Variants in MAD1L1 observed in about 807,000 individuals in gnomAD.
MAD1L1 encodes mitotic spindle assembly checkpoint protein MAD1.
MAD1L1 carries 95 observed loss-of-function variants against 96.9 expected under a neutral mutation model. The observed-to-expected ratio is 0.98, with a 90% confidence interval of 0.83 to 1.16. MAD1L1 has a LOEUF of 1.16. Ranked by LOEUF, MAD1L1 falls within the 50% of genes most tolerant of loss-of-function variation. The pLI is 0.00. For missense variants in MAD1L1, 1,007 were observed against 954.4 expected, an observed-to-expected ratio of 1.06 and a Z score of -0.73; for synonymous variants, 473 against 396.6, an observed-to-expected ratio of 1.19 and a Z score of -2.29.
At chr7:1,955,649 G>A (rs930244170) in intron 16 of MAD1L1, among the ~76,000 whole-genome samples, 21 of 152,264 alleles carry the variant, frequency 1.4e-4, no homozygotes, top group South Asian at 8.3e-4. Context: ...GGCACACCCA[G>A]CACGGTGACA....
At chr7:1,908,053 C>T (rs890867201) in intron 17 of MAD1L1, among the ~76,000 whole-genome samples, 1 of 152,206 alleles carries the variant, frequency 6.6e-6, no homozygotes, top group African/African-American at 2.4e-5. Context: ...CATGGGTGAC[C>T]AGACAGTACG....
At chr7:1,985,372 G>A (rs1269751755) in intron 14 of MAD1L1, among the ~76,000 whole-genome samples, 1 of 152,226 alleles carries the variant, frequency 6.6e-6, no homozygotes, top group Non-Finnish European at 1.5e-5. Context: ...GAGCGGACTG[G>A]GCACAGCACA....
chr7:2,139,267 A>C (rs575327007), intron 11 of MAD1L1, among the ~76,000 whole-genome samples: 350 of 152,132 alleles, frequency 2.3e-3, no homozygotes, highest in Non-Finnish European at 4.1e-3. Flanking sequence ...ACTCTCAGCC[A>C]ACCCATGGGA....
chr7:1,858,572 C>G (rs1422271532), intron 18 of MAD1L1, among the ~76,000 whole-genome samples: 1 of 152,236 alleles, frequency 6.6e-6, no homozygotes, highest in African/African-American at 2.4e-5. Flanking sequence ...CTTGCTGACC[C>G]TGTCCCGGCA....
At chr7:2,131,647 C>T (rs551577338) in intron 11 of MAD1L1, among the ~76,000 whole-genome samples, 1 of 152,180 alleles carries the variant, frequency 6.6e-6, no homozygotes, top group Non-Finnish European at 1.5e-5. Flanking sequence ...ACCAGCTGGG[C>T]CCCCAGGTTC....
rs535059217 is a variant in MAD1L1 at position 1,981,192 on chromosome 7, C to G, written c.1417-651G>C. Among the ~76,000 whole-genome samples the G allele has an allele frequency of 3.3e-4, 50 of 152,198 alleles. 1 individual carries two copies. Among genetic ancestry groups the G allele is most frequent in the Non-Finnish European group, 6.3e-4 (43 of 68,034 alleles). ...GTGTTCTCCAGGCTGGTCTCGAACT[C>G]CTGACCTCGGGTGATTCACCCGCCT... On this transcript the variant is annotated intron_variant, in intron 14 of 18. Coordinates refer to ENST00000265854, the MANE Select transcript of MAD1L1 (RefSeq NM_001013836.2).
intron 12 of MAD1L1, among the ~76,000 whole-genome samples, chr7:2,022,833 C>T (rs1053451500): frequency 6.6e-6 from 1 of 152,054 alleles, no homozygotes; most frequent in Non-Finnish European, 1.5e-5. Flanking sequence ...AAAATATAAA[C>T]ACACTTTGAA....
At position 2,024,933 on chromosome 7, in the gene MAD1L1, T is replaced by C. The variant is rs867602136; in HGVS notation, c.1219-10291A>G. On this transcript the variant is annotated intron_variant, in intron 12 of 18. Transcript: ENST00000265854. ...TCTTCCAGAGAATAGAAGCAAACTA[T>C]TCTGTATGACACTGTAATGAGGGAA... is the stretch of plus-strand genomic sequence containing the variant. Among the ~76,000 whole-genome samples, 5 of 152,344 alleles carry C rather than the reference T, an allele frequency of 3.3e-5. No individual in the cohort carries two copies. In the Middle Eastern group the frequency reaches 0.01, roughly 311 times the overall value.
intron 16 of MAD1L1, among the ~76,000 whole-genome samples, chr7:1,949,719 G>C (rs999348986): frequency 1.3e-5 from 2 of 152,232 alleles, no homozygotes; most frequent in African/African-American, 4.8e-5. Flanking sequence ...AGGAACCAAA[G>C]GACATCGGTC....
intron 16 of MAD1L1, among the ~76,000 whole-genome samples, chr7:1,939,819 C>A (rs529311124): frequency 1.3e-5 from 2 of 148,494 alleles, no homozygotes; most frequent in Non-Finnish European, 3.0e-5. Flanking sequence ...CTCTCCAAGT[C>A]CCCGAAGGAC....
intron 17 of MAD1L1, among the ~76,000 whole-genome samples, chr7:1,907,732 G>A (rs1056573191): frequency 3.9e-5 from 6 of 152,228 alleles, no homozygotes; most frequent in East Asian, 1.9e-4. Flanking sequence ...AAACCCTCTC[G>A]GCAATAACGT....
At chr7:2,059,801 T>C (rs1306441609) in intron 12 of MAD1L1, among the ~76,000 whole-genome samples, 2 of 152,078 alleles carry the variant, frequency 1.3e-5, no homozygotes, top group African/African-American at 2.4e-5. Context: ...AAGGTTGTCA[T>C]GTGCAGGGTC....
intron 11 of MAD1L1, among the ~76,000 whole-genome samples, chr7:2,143,875 C>A (rs1789162766): frequency 6.6e-6 from 1 of 152,188 alleles, no homozygotes; most frequent in South Asian, 2.1e-4. Context: ...TGAAGAGCTC[C>A]ATCTGCATCC....
intron 17 of MAD1L1, among the ~76,000 whole-genome samples, chr7:1,913,003 CCT>C (rs771818978): frequency 6.6e-6 from 1 of 152,176 alleles, no homozygotes; most frequent in Non-Finnish European, 1.5e-5. Context: ...AGGCGAGCCC[CCT>C]CTGAGAAGAG....
intron 17 of MAD1L1, among the ~76,000 whole-genome samples, chr7:1,906,789 C>T (rs972273232): frequency 6.6e-6 from 1 of 152,246 alleles, no homozygotes; most frequent in African/African-American, 2.4e-5. Flanking sequence ...CCATCCCCTA[C>T]AGACCTGAGC....
chr7:1,935,054 AGAC>A (rs1778510278), intron 17 of MAD1L1, among the ~76,000 whole-genome samples: 1 of 152,280 alleles, frequency 6.6e-6, no homozygotes. Context: ...GCAGAGACCC[AGAC>A]AACAGGGGAA....
At chr7:1,939,063 C>G (rs1211528177) in intron 16 of MAD1L1, among the ~76,000 whole-genome samples, 1 of 105,502 alleles carries the variant, frequency 9.5e-6, no homozygotes, top group Non-Finnish European at 1.8e-5. Context: ...CACACACACA[C>G]GGGCCAGAGC....
At chr7:1,847,316 C>A (rs1783684234) in intron 18 of MAD1L1, 1 of 470,976 alleles carries the variant, frequency 2.1e-6, no homozygotes, top group Non-Finnish European at 4.4e-6. Flanking sequence ...GATTACAGAG[C>A]AGCAAACCAG....
At chr7:2,208,992 C>G (rs980882855) in intron 10 of MAD1L1, among the ~76,000 whole-genome samples, 1 of 152,234 alleles carries the variant, frequency 6.6e-6, no homozygotes, top group Non-Finnish European at 1.5e-5. Context: ...ACACCACACT[C>G]CCGGCACTGG....
Sources: gnomAD v4.1 joint callset for allele counts (sites outside exome capture counted in the v4.1 genomes callset) on GRCh38, gnomAD v4.1.1 for gene constraint, MANE v1.5 for transcripts, NCBI Gene and HGNC (gene_info 2026-07-23, HGNC 2026-07-21) for gene names.